The following EYA2 variants were observed in gnomAD, a reference collection of about 807,000 sequenced individuals.
The protein encoded by EYA2 is protein phosphatase EYA2.
In EYA2, 31 loss-of-function variants were observed where a neutral mutation model predicts 69.2. The observed-to-expected ratio is 0.45, with a 90% confidence interval of 0.34 to 0.60. The LOEUF (loss-of-function observed/expected upper bound fraction) is 0.60, where lower values mean the gene tolerates loss of function less well. Among genes scored for constraint, EYA2 ranks in the 20% least tolerant of loss-of-function variants. EYA2 has a pLI of 0.02. For synonymous variants in EYA2, 257 were observed against 279.4 expected, an observed-to-expected ratio of 0.92 and a Z score of 0.80; for missense variants, 622 against 701.2, an observed-to-expected ratio of 0.89 and a Z score of 1.28.
intron 5 of EYA2, among the ~76,000 whole-genome samples, chr20:47,057,859 G>GGCT (rs2030708129): frequency 6.6e-6 from 1 of 152,208 alleles, no homozygotes. Context: ...GAGGCAGGAC[G>GGCT]GCCTGCTGGC....
chr20:46,908,824 C>A (rs929748324), intron 1 of EYA2, among the ~76,000 whole-genome samples: 1 of 147,310 alleles, frequency 6.8e-6, no homozygotes, highest in East Asian at 2.1e-4. Flanking sequence ...GACACAGACC[C>A]TGGGAATCAA....
At chr20:46,994,457 C>A (rs1981885642) in intron 2 of EYA2, among the ~76,000 whole-genome samples, 1 of 152,052 alleles carries the variant, frequency 6.6e-6, no homozygotes, top group Non-Finnish European at 1.5e-5. Context: ...TCATTGTTTC[C>A]AAGGAGAGGT....
At chr20:47,123,174 T>TTAATTTAAA (rs2146562064) in intron 9 of EYA2, among the ~76,000 whole-genome samples, 1 of 152,296 alleles carries the variant, frequency 6.6e-6, no homozygotes, top group South Asian at 2.1e-4. Context: ...TTTTTTTTAA[T>TTAATTTAAA]TGACAGATAA....
chr20:46,955,295 C>T (rs140678690), intron 1 of EYA2, among the ~76,000 whole-genome samples: 10 of 152,248 alleles, frequency 6.6e-5, no homozygotes, highest in East Asian at 1.9e-4. Context: ...CCAGGCCCAC[C>T]GGGCCCAGCT....
At chr20:47,159,513 A>G (rs1174245522) in intron 10 of EYA2, among the ~76,000 whole-genome samples, 1 of 152,064 alleles carries the variant, frequency 6.6e-6, no homozygotes, top group Non-Finnish European at 1.5e-5. Flanking sequence ...GAAACAGTCC[A>G]AGAACAGTAC....
intron 9 of EYA2, among the ~76,000 whole-genome samples, chr20:47,098,387 C>T (rs1426915259): frequency 6.6e-6 from 1 of 152,226 alleles, no homozygotes; most frequent in Admixed American, 6.5e-5. Context: ...TATGGTTTTC[C>T]TAACCACTCC....
At chr20:46,993,372 C>T (rs565720774) in intron 2 of EYA2, among the ~76,000 whole-genome samples, 1 of 152,334 alleles carries the variant, frequency 6.6e-6, no homozygotes, top group Admixed American at 6.5e-5. Context: ...AGCCCCTGGC[C>T]CCTTTTCCTT....
At chr20:46,977,382 G>C (rs964438397) in intron 1 of EYA2, among the ~76,000 whole-genome samples, 2 of 152,346 alleles carry the variant, frequency 1.3e-5, no homozygotes, top group South Asian at 4.1e-4. Flanking sequence ...AGGTGGACTA[G>C]TTGGGGTCAC....
In EYA2 at chr20:47,159,938, C is replaced by T. The variant is rs115093820; in HGVS notation, c.979-9201C>T. Among the ~76,000 whole-genome samples the T allele has an allele frequency of 3.4e-3, 521 of 151,882 alleles. 4 individuals carry two copies. The highest frequency in any genetic ancestry group is 0.01 in the African/African-American group (426 of 41,550). ...GAGAGGCGGAGGCTGCAGTGAGCTGCAGGAAGCCACTGTGTGGGCAGTGTA... is the reference window on the plus strand; with the variant it reads ...GAGAGGCGGAGGCTGCAGTGAGCTGTAGGAAGCCACTGTGTGGGCAGTGTA... On this transcript the variant is annotated intron_variant, in intron 10 of 15. Coordinates refer to ENST00000327619, the MANE Select transcript of EYA2 (RefSeq NM_005244.5).
At chr20:47,095,456 A>G (rs920791008) in intron 8 of EYA2, among the ~76,000 whole-genome samples, 3 of 152,146 alleles carry the variant, frequency 2.0e-5, no homozygotes, top group Admixed American at 6.5e-5. Context: ...AGATCTGTAG[A>G]AAGATGCAAG....
intron 1 of EYA2, among the ~76,000 whole-genome samples, chr20:46,898,956 C>G (rs1334813184): frequency 5.3e-5 from 8 of 152,008 alleles, no homozygotes; most frequent in Admixed American, 4.6e-4. Flanking sequence ...CAAATTATAC[C>G]CTTCTGTTTA....
intron 5 of EYA2, among the ~76,000 whole-genome samples, chr20:47,038,043 G>T (rs1158240798): frequency 6.6e-6 from 1 of 152,144 alleles, no homozygotes; most frequent in Admixed American, 6.5e-5. Context: ...CCCTTGCAGG[G>T]TTTACATTCT....
chr20:46,987,954 CTCTCTCTCTCTATATA>C (rs1281593491), intron 1 of EYA2, among the ~76,000 whole-genome samples: 1 of 43,576 alleles, frequency 2.3e-5, no homozygotes, highest in South Asian at 1.0e-3. Flanking sequence ...CTCTCTCTCT[CTCTCTCTCTCTATATA>C]TATATATATA....
At chr20:46,908,410 A>T (rs1984467974) in intron 1 of EYA2, among the ~76,000 whole-genome samples, 1 of 152,218 alleles carries the variant, frequency 6.6e-6, no homozygotes, top group South Asian at 2.1e-4. Context: ...AAAAGTCCTG[A>T]ATTGGGAGCA....
intron 8 of EYA2, among the ~76,000 whole-genome samples, chr20:47,094,337 A>G (rs2032182953): frequency 6.6e-6 from 1 of 152,244 alleles, no homozygotes; most frequent in African/African-American, 2.4e-5. Context: ...GTCCTTCTCA[A>G]ACACTGATTT....
intron 1 of EYA2, among the ~76,000 whole-genome samples, chr20:46,935,874 T>C (rs1985886898): frequency 6.6e-6 from 1 of 152,036 alleles, no homozygotes; most frequent in Non-Finnish European, 1.5e-5. Context: ...ATAAGTATTA[T>C]TATTCGGTAG....
chr20:47,032,746 G>A (rs1190873170), intron 5 of EYA2, among the ~76,000 whole-genome samples: 1 of 152,186 alleles, frequency 6.6e-6, no homozygotes, highest in Non-Finnish European at 1.5e-5. Flanking sequence ...TCTGTGAAAT[G>A]GGGTTTATAG....
chr20:47,120,477 G>T (rs1480837518), intron 9 of EYA2, among the ~76,000 whole-genome samples: 2 of 152,222 alleles, frequency 1.3e-5, no homozygotes, highest in African/African-American at 4.8e-5. Flanking sequence ...TTAGACCGCT[G>T]AGCCCAGGCT....
At chr20:47,041,296 A>G (rs1195484454) in intron 5 of EYA2, among the ~76,000 whole-genome samples, 1 of 152,170 alleles carries the variant, frequency 6.6e-6, no homozygotes, top group African/African-American at 2.4e-5. Flanking sequence ...AATTTATCTT[A>G]TGTTATTTTG....
Sources: gnomAD v4.1 joint callset for allele counts (sites outside exome capture counted in the v4.1 genomes callset) on GRCh38, gnomAD v4.1.1 for gene constraint, MANE v1.5 for transcripts, NCBI Gene and HGNC (gene_info 2026-07-23, HGNC 2026-07-21) for gene names.